RAD51B: variants seen among roughly 807,000 people sequenced by gnomAD.
The protein encoded by RAD51B is DNA repair protein RAD51 homolog 2.
RAD51B carries 38 observed loss-of-function variants against 42.2 expected under a neutral mutation model. The observed-to-expected ratio is 0.90, with a 90% CI of 0.70 to 1.18. RAD51B has a LOEUF of 1.18. Among genes scored for constraint, RAD51B ranks in the 50% most tolerant of loss-of-function variants. RAD51B has a pLI of 0.00. For missense variants in RAD51B, 373 were observed against 400.7 expected (o/e 0.93, Z 0.59); for synonymous variants, 154 against 145.2 (o/e 1.06, Z -0.43).
chr14:68,237,882 G>C (rs1325167221), intron 7 of RAD51B, among the ~76,000 whole-genome samples: 1 of 151,874 alleles, frequency 6.6e-6, no homozygotes, highest in Non-Finnish European at 1.5e-5. Context: ...TTACAGGCAT[G>C]CACCACCACG....
chr14:67,870,231 T>A (rs899168124), intron 5 of RAD51B, among the ~76,000 whole-genome samples: 3 of 150,830 alleles, frequency 2.0e-5, no homozygotes, highest in African/African-American at 4.9e-5. Flanking sequence ...AAATAAAAGG[T>A]TGGAGGAAGA....
chr14:68,183,790 A>T (rs186598661), intron 7 of RAD51B, among the ~76,000 whole-genome samples: 7 of 152,050 alleles, frequency 4.6e-5, no homozygotes. Flanking sequence ...GCTACAAAAA[A>T]TTTTTTAAAT....
At chr14:68,477,479 G>A (rs373802589) in intron 10 of RAD51B, among the ~76,000 whole-genome samples, 169 bp from the exon 11 acceptor site, 3 of 152,160 alleles carry the variant, frequency 2.0e-5, no homozygotes, top group Non-Finnish European at 2.9e-5. Flanking sequence ...CCACACTTCC[G>A]CTGTGTTTCT....
rs567717395 is a variant in RAD51B, at chr14:68,338,993, C to A, written c.853+47013C>A. On this transcript the variant is annotated intron_variant, in intron 8 of 10. Coordinates refer to ENST00000471583, the MANE Select transcript of RAD51B (RefSeq NM_133510.4). ...TCCCCTTGATAATGCAGTAAGGGAC[C>A]CCCTTTTTACAACATGGGGCAGGCA... The A allele has an allele frequency of 7.6e-6, 5 of 656,804 alleles. No homozygotes were observed. In the Admixed American group the frequency reaches 8.0e-5, roughly 11 times the overall value. 40.7% of individuals were successfully genotyped at this position (656,804 alleles called of 1,614,324 possible).
chr14:67,903,396 C>G (rs940137061), intron 7 of RAD51B, among the ~76,000 whole-genome samples: 1 of 151,996 alleles, frequency 6.6e-6, no homozygotes, highest in South Asian at 2.1e-4. Context: ...AGTTAAATAA[C>G]TAATATTTTT....
At chr14:68,045,259 A>AG (rs2076282681) in intron 7 of RAD51B, among the ~76,000 whole-genome samples, 1 of 150,868 alleles carries the variant, frequency 6.6e-6, no homozygotes, top group South Asian at 2.1e-4. Flanking sequence ...AAAAAAAAAA[A>AG]AAAAGAAAAG....
chr14:68,038,229 A>C (rs1385999612), intron 7 of RAD51B, among the ~76,000 whole-genome samples: 1 of 152,244 alleles, frequency 6.6e-6, no homozygotes, highest in African/African-American at 2.4e-5. Context: ...AAAAGTTGGT[A>C]TCGGCATGTA....
At chr14:68,227,525 A>G (rs1348385700) in intron 7 of RAD51B, among the ~76,000 whole-genome samples, 4 of 152,348 alleles carry the variant, frequency 2.6e-5, no homozygotes, top group East Asian at 1.9e-4. Context: ...GATTCTTACT[A>G]AAAAAGTAAT....
At chr14:67,860,009 A>C (rs1244583230) in intron 4 of RAD51B, among the ~76,000 whole-genome samples, 1 of 152,066 alleles carries the variant, frequency 6.6e-6, no homozygotes, top group South Asian at 2.1e-4. Context: ...TTTAGTAGAG[A>C]CGAGGTTTCT....
chr14:68,385,849 A>G (rs149289359), intron 8 of RAD51B, among the ~76,000 whole-genome samples: 41 of 152,354 alleles, frequency 2.7e-4, no homozygotes, highest in African/African-American at 9.6e-4. Flanking sequence ...GGCATTTAAC[A>G]TATGCAATCC....
rs74882304 is a variant in RAD51B at position 68,204,150 on chromosome 14, C to T, written c.757-87734C>T. 8.9e-3 allele frequency among the ~76,000 whole-genome samples: 1,349 copies of T among 152,334 alleles called. 25 individuals are homozygous for T. The highest frequency in any genetic ancestry group is 0.031 in the African/African-American group (1,297 of 41,564). On this transcript the variant is annotated intron_variant, in intron 7 of 10. Transcript: ENST00000471583. ...GCTTCCTGCCTGATTCAGCTTTTGA[C>T]TTTCCCTCACTAAGCTAAATTATCT...
At chr14:68,545,594 G>T (rs981084628) in intron 10 of RAD51B, 2 of 456,102 alleles carry the variant, frequency 4.4e-6, no homozygotes, top group Non-Finnish European at 8.8e-6. Flanking sequence ...AAAGGAAGGG[G>T]CCATTGTAAA....
At chr14:68,545,515 T>C (rs915272660) in intron 10 of RAD51B, 10 of 455,562 alleles carry the variant, frequency 2.2e-5, no homozygotes, top group African/African-American at 1.8e-4. Flanking sequence ...ATGCCTTAAC[T>C]GTCTAGCAGG....
chr14:68,408,447 T>A (rs1262703189), intron 8 of RAD51B, among the ~76,000 whole-genome samples: 2 of 152,148 alleles, frequency 1.3e-5, no homozygotes, highest in African/African-American at 4.8e-5. Flanking sequence ...GGAAGACAAG[T>A]GTTGAGACAA....
At chr14:68,150,264 A>G (rs1355307454) in intron 7 of RAD51B, among the ~76,000 whole-genome samples, 2 of 151,918 alleles carry the variant, frequency 1.3e-5, no homozygotes, top group Admixed American at 1.3e-4. Context: ...TATTTCTCCA[A>G]CTTTGTTTTT....
At chr14:68,463,035 C>G (rs932956622) in intron 9 of RAD51B, among the ~76,000 whole-genome samples, 7 of 152,128 alleles carry the variant, frequency 4.6e-5, no homozygotes, top group African/African-American at 1.4e-4. Context: ...CCTAGGCCTC[C>G]CTGCAGGGCA....
At chr14:68,030,416 C>A (rs2076023111) in intron 7 of RAD51B, among the ~76,000 whole-genome samples, 1 of 152,178 alleles carries the variant, frequency 6.6e-6, no homozygotes, top group South Asian at 2.1e-4. Flanking sequence ...GTACTTCCTG[C>A]TTCACCTTGC....
rs895095239 is a variant in RAD51B at position 68,025,879 on chromosome 14, T to C, written c.756+138675T>C. 3.9e-5 allele frequency among the ~76,000 whole-genome samples: 6 copies of C among 152,092 alleles called. No individual in the cohort carries two copies. The East Asian group carries it at 9.6e-4, about 24-fold the overall frequency. On this transcript the variant is annotated intron_variant, in intron 7 of 10. Transcript: ENST00000471583. The stretch of plus-strand genomic sequence containing the variant: ...TCAATTTCATTCAGTTTTTCTCTAA[T>C]TTTAGTTATTTCTTTTTTTCTGCTA...
chr14:68,111,940 T>G (rs779031021), intron 7 of RAD51B, among the ~76,000 whole-genome samples: 3 of 152,116 alleles, frequency 2.0e-5, no homozygotes, highest in Non-Finnish European at 4.4e-5. Context: ...ACCTCATTGC[T>G]CGTTGTTTGG....
Sources: gnomAD v4.1 joint callset for allele counts (sites outside exome capture counted in the v4.1 genomes callset) on GRCh38, gnomAD v4.1.1 for gene constraint, MANE v1.5 for transcripts, NCBI Gene and HGNC (gene_info 2026-07-23, HGNC 2026-07-21) for gene names.